CLIC5: variants seen among roughly 807,000 people sequenced by gnomAD.
The protein encoded by CLIC5 is CLIC family member 5, also known as chloride intracellular channel protein 5.
In CLIC5, 20 loss-of-function variants were observed where a neutral mutation model predicts 24.7. The ratio of observed to expected loss-of-function variants is 0.81; its 90% confidence interval spans 0.57 to 1.18. CLIC5 has a LOEUF of 1.18. CLIC5 is among the 50% of genes most tolerant of loss of function. CLIC5 has a pLI of 0.00. For synonymous variants in CLIC5, 159 were observed against 135.6 expected (o/e 1.17, Z -1.20); for missense variants, 341 against 326.1 (o/e 1.05, Z -0.35).
the CLIC5 span, among the ~76,000 whole-genome samples, chr6:46,113,520 G>C: frequency 2.0e-5 from 3 of 152,158 alleles, no homozygotes; most frequent in Non-Finnish European, 4.4e-5. Context: ...CTGTCAGTAG[G>C]CAGGTAAGTG....
chr6:45,956,611 C>G (rs569827720), intron 1 of CLIC5, among the ~76,000 whole-genome samples: 1 of 152,028 alleles, frequency 6.6e-6, no homozygotes, highest in African/African-American at 2.4e-5. Flanking sequence ...ACATTAGAAC[C>G]TCATTGTGTG....
In CLIC5 at chr6:45,974,047, A is replaced by G. The variant is rs374510620; in HGVS notation, c.64-18803T>C. Among the ~76,000 whole-genome samples the G allele has an allele frequency of 6.6e-5, 10 of 152,360 alleles. No homozygotes were observed. In the South Asian group the frequency reaches 1.0e-3, roughly 16 times the overall value. On this transcript the variant is annotated intron_variant, in intron 1 of 5. Transcript: ENST00000339561. ...TGTATTATTCTAGAGGGAGTGTCAC[A>G]GTAGGAGAAAAAGGCAAATGACAAA...
At chr6:45,982,016 AAG>A (rs1421413260) in intron 1 of CLIC5, among the ~76,000 whole-genome samples, 2 of 151,986 alleles carry the variant, frequency 1.3e-5, no homozygotes, top group Non-Finnish European at 2.9e-5. Context: ...AAAAGAAAAA[AAG>A]AAAGAAATAT....
chr6:45,920,767 C>G (rs1328101397), intron 4 of CLIC5: 1 of 460,882 alleles, frequency 2.2e-6, no homozygotes, highest in Non-Finnish European at 2.9e-6. Context: ...GATGTAGGAG[C>G]CCCAGCAGGG....
chr6:45,912,670 T>A, intron 5 of CLIC5: 1 of 1,534,438 alleles, frequency 6.5e-7, no homozygotes, highest in South Asian at 1.2e-5. Flanking sequence ...CTCCTGATCT[T>A]TGCATTGTAT....
chr6:46,082,922 C>A (rs918208560), upstream of CLIC5, among the ~76,000 whole-genome samples: 3 of 152,094 alleles, frequency 2.0e-5, no homozygotes. Context: ...TATATGGCGG[C>A]GAATCTCTGT....
the CLIC5 span, among the ~76,000 whole-genome samples, chr6:46,099,432 G>A: frequency 6.6e-6 from 1 of 152,202 alleles, no homozygotes; most frequent in African/African-American, 2.4e-5. Flanking sequence ...CACTGAGCAA[G>A]TGAAACAGTA....
intron 1 of CLIC5, among the ~76,000 whole-genome samples, chr6:45,958,964 A>G (rs1466262796): frequency 6.5e-5 from 3 of 46,136 alleles, no homozygotes; most frequent in African/African-American, 1.3e-4. Flanking sequence ...ATGCATACAT[A>G]CTACATACAT....
chr6:45,988,723 C>T (rs1304693824), intron 1 of CLIC5, among the ~76,000 whole-genome samples: 5 of 152,240 alleles, frequency 3.3e-5, no homozygotes, highest in South Asian at 2.1e-4. Flanking sequence ...ACAGCATAAG[C>T]ATTTTGAGAA....
At chr6:45,997,087 A>T (rs1194270100) in intron 1 of CLIC5, among the ~76,000 whole-genome samples, 3 of 151,976 alleles carry the variant, frequency 2.0e-5, no homozygotes, top group Non-Finnish European at 4.4e-5. Context: ...CACAATAGCA[A>T]AGACTTGGAA....
At chr6:45,895,242 C>G (rs569570661), downstream of CLIC5, among the ~76,000 whole-genome samples, 3 of 152,230 alleles carry the variant, frequency 2.0e-5, no homozygotes, top group African/African-American at 2.4e-5. Flanking sequence ...GATTATAGCA[C>G]CCAGAATCAC....
At chr6:46,014,053 G>A (rs915952192) in intron 1 of CLIC5, among the ~76,000 whole-genome samples, 2 of 152,128 alleles carry the variant, frequency 1.3e-5, no homozygotes, top group African/African-American at 4.8e-5. Context: ...GGTGGGGGGA[G>A]TCCCAGAAAC....
At chr6:46,050,867 G>A (rs538845313) in intron 1 of CLIC5, among the ~76,000 whole-genome samples, 1 of 151,772 alleles carries the variant, frequency 6.6e-6, no homozygotes, top group Non-Finnish European at 1.5e-5. Context: ...GTGTGTGTGT[G>A]TGTGTGTGTG....
At chr6:46,119,998 C>T in the CLIC5 span, among the ~76,000 whole-genome samples, 9 of 152,244 alleles carry the variant, frequency 5.9e-5, no homozygotes, top group South Asian at 4.1e-4. Flanking sequence ...TAGACTCCAC[C>T]TCTGGGGGCA....
chr6:46,090,977 T>G, the CLIC5 span, among the ~76,000 whole-genome samples: 1 of 152,238 alleles, frequency 6.6e-6, no homozygotes, highest in Non-Finnish European at 1.5e-5. Flanking sequence ...TCCAGCTGTT[T>G]AGGTACCTCA....
chr6:45,994,602 G>A (rs535033227), intron 1 of CLIC5, among the ~76,000 whole-genome samples: 90 of 152,030 alleles, frequency 5.9e-4, no homozygotes, highest in African/African-American at 1.8e-3. Flanking sequence ...CGTGTATCCC[G>A]GGACTTAAAG....
At chr6:46,059,220 G>A (rs972384442) in intron 1 of CLIC5, among the ~76,000 whole-genome samples, 1 of 152,200 alleles carries the variant, frequency 6.6e-6, no homozygotes, top group African/African-American at 2.4e-5. Flanking sequence ...TGATCCACTT[G>A]CCTCTATCCT....
the CLIC5 span, among the ~76,000 whole-genome samples, chr6:46,106,437 C>G: frequency 6.6e-6 from 1 of 152,146 alleles, no homozygotes; most frequent in African/African-American, 2.4e-5. Context: ...TCTAGATATA[C>G]TTTCCAGCTG....
At chr6:46,011,705 C>A (rs1344298690) in intron 1 of CLIC5, among the ~76,000 whole-genome samples, 1 of 152,178 alleles carries the variant, frequency 6.6e-6, no homozygotes, top group African/African-American at 2.4e-5. Context: ...CTTGATCTAA[C>A]CTACACAGCA....
Sources: gnomAD v4.1 joint callset for allele counts (sites outside exome capture counted in the v4.1 genomes callset) on GRCh38, gnomAD v4.1.1 for gene constraint, MANE v1.5 for transcripts, NCBI Gene and HGNC (gene_info 2026-07-23, HGNC 2026-07-21) for gene names.